The following SGCZ variants were observed in gnomAD, a reference collection of about 807,000 sequenced individuals.
SGCZ encodes sarcoglycan zeta, also known as zeta-sarcoglycan.
SGCZ carries 40 observed loss-of-function variants against 41.3 expected under a neutral mutation model. The ratio of observed to expected loss-of-function variants is 0.97; its 90% confidence interval spans 0.75 to 1.26. The LOEUF (loss-of-function observed/expected upper bound fraction) is 1.26, where lower values mean the gene tolerates loss of function less well. Among genes scored for constraint, SGCZ ranks in the 50% most tolerant of loss-of-function variants. The pLI, the probability that SGCZ is intolerant of heterozygous loss-of-function variation, is 0.00. For missense variants in SGCZ, 552 were observed against 369.8 expected (o/e 1.49, Z -4.04); for synonymous variants, 206 against 137.5 (o/e 1.50, Z -3.49).
At chr8:15,113,805 C>A (rs889190439) in intron 1 of SGCZ, among the ~76,000 whole-genome samples, 1 of 152,166 alleles carries the variant, frequency 6.6e-6, no homozygotes, top group Non-Finnish European at 1.5e-5. Context: ...CCCAGATTTT[C>A]TCAGTAAAAG....
chr8:14,376,051 T>G (rs1804109601), intron 2 of SGCZ, among the ~76,000 whole-genome samples: 1 of 152,200 alleles, frequency 6.6e-6, no homozygotes, highest in African/African-American at 2.4e-5. Context: ...AGGTGGCTCA[T>G]GCCGGTAATC....
In SGCZ at chr8:14,359,524, A is replaced by C. The variant is rs74796995; in HGVS notation, c.235-35320T>G. ...ATTCCAAAAAACTGAAATAATATCA[A>C]GGTTCTTCACTGATCACAATGGAAT... On this transcript the variant is annotated intron_variant, in intron 2 of 7. Coordinates refer to ENST00000382080, the MANE Select transcript of SGCZ (RefSeq NM_139167.4). Among the ~76,000 whole-genome samples the C allele has an allele frequency of 1.4e-3, 214 of 152,278 alleles. 1 individual carries two copies. In the East Asian group the frequency reaches 0.03, roughly 22 times the overall value.
Position 14,090,284 on chromosome 8 carries a change from T to A in SGCZ, c.*159A>T, listed in dbSNP as rs906543367. On this transcript the variant is annotated 3_prime_UTR_variant, in exon 8 of 8. Transcript: ENST00000382080. ...CCTCTGTGTTGAGCAGTACAGTAAA[T>A]CACAAGAGAAGGTGGTGGCGAATCC... 7 of 667,766 alleles carry A rather than the reference T, an allele frequency of 1.0e-5. No homozygotes were observed. The East Asian group carries it at 1.9e-4, about 18-fold the overall frequency. 41.4% of individuals were successfully genotyped at this position (667,766 alleles called of 1,614,324 possible).
intron 3 of SGCZ, among the ~76,000 whole-genome samples, chr8:14,241,051 A>T (rs920297206): frequency 2.0e-5 from 3 of 152,176 alleles, no homozygotes; most frequent in African/African-American, 4.8e-5. Context: ...TGTTTTCCCT[A>T]AATAAAGAAA....
intron 1 of SGCZ, among the ~76,000 whole-genome samples, chr8:14,936,987 T>G (rs1253563795): frequency 6.6e-6 from 1 of 151,620 alleles, no homozygotes; most frequent in Admixed American, 6.6e-5. Context: ...ATTAAAAAGT[T>G]TATAAAAGAA....
At chr8:14,345,968 G>C (rs1335610518) in intron 2 of SGCZ, among the ~76,000 whole-genome samples, 1 of 151,976 alleles carries the variant, frequency 6.6e-6, no homozygotes, top group Non-Finnish European at 1.5e-5. Flanking sequence ...GAATTTTTAG[G>C]GCAGAGAAAC....
intron 1 of SGCZ, among the ~76,000 whole-genome samples, chr8:14,877,085 T>C (rs1020127885): frequency 9.9e-5 from 15 of 152,172 alleles, no homozygotes; most frequent in African/African-American, 3.4e-4. Context: ...GCAATTCCCC[T>C]GCCTCAGCCT....
intron 1 of SGCZ, among the ~76,000 whole-genome samples, chr8:14,567,978 G>A (rs186501754): frequency 9.2e-5 from 14 of 152,308 alleles, no homozygotes; most frequent in East Asian, 1.9e-4. Context: ...GCGAGGGTCC[G>A]CGGCTCCATT....
intron 1 of SGCZ, among the ~76,000 whole-genome samples, chr8:15,127,247 CACACACACAAACAA>C (rs199701335): frequency 3.3e-4 from 3 of 9,174 alleles, no homozygotes; most frequent in South Asian, 0.028. Flanking sequence ...CACACACACA[CACACACACAAACAA>C]ACACACACAC....
Position 14,872,847 on chromosome 8 carries a change from A to G in SGCZ, c.40-317921T>C, listed in dbSNP as rs796767465. Reference sequence around the variant, plus strand: ...CACTTCCCAGCACACTGACTTAACCATAGTAGATTCTCAAAAAATATGATG... The same window carrying G: ...CACTTCCCAGCACACTGACTTAACCGTAGTAGATTCTCAAAAAATATGATG... On this transcript the variant is annotated intron_variant, in intron 1 of 7. Transcript: ENST00000382080. Among the ~76,000 whole-genome samples the G allele has an allele frequency of 1.6e-4, 24 of 152,246 alleles. 1 individual carries two copies. Among genetic ancestry groups the G allele is most frequent in the African/African-American group, 3.6e-4 (15 of 41,552 alleles).
intron 1 of SGCZ, among the ~76,000 whole-genome samples, chr8:14,780,374 C>CAAAAA (rs533888354): frequency 1.1e-4 from 9 of 78,894 alleles, no homozygotes; most frequent in Non-Finnish European, 1.6e-4. Context: ...GACTCCATCT[C>CAAAAA]AAAAAAAAAA....
At chr8:15,021,739 C>T (rs550660996) in intron 1 of SGCZ, among the ~76,000 whole-genome samples, 1 of 152,308 alleles carries the variant, frequency 6.6e-6, no homozygotes, top group Non-Finnish European at 1.5e-5. Flanking sequence ...GCCCTTCTTT[C>T]ACTGCTGAGG....
At chr8:14,289,911 C>A (rs1286985364) in intron 3 of SGCZ, among the ~76,000 whole-genome samples, 2 of 151,748 alleles carry the variant, frequency 1.3e-5, no homozygotes, top group Non-Finnish European at 1.5e-5. Flanking sequence ...ACAGTCATAC[C>A]AGAACATGAA....
At chr8:14,894,607 C>A (rs765485672) in intron 1 of SGCZ, among the ~76,000 whole-genome samples, 4 of 152,008 alleles carry the variant, frequency 2.6e-5, no homozygotes, top group African/African-American at 7.2e-5. Context: ...GTTTTTCATA[C>A]CCCGAGGAAG....
At chr8:14,888,801 G>A (rs1381506872) in intron 1 of SGCZ, among the ~76,000 whole-genome samples, 1 of 152,034 alleles carries the variant, frequency 6.6e-6, no homozygotes, top group Non-Finnish European at 1.5e-5. Flanking sequence ...TCAAAAATAT[G>A]TAAGTTTTAT....
chr8:15,218,171 AC>A (rs1801479368), intron 1 of SGCZ, among the ~76,000 whole-genome samples: 1 of 152,048 alleles, frequency 6.6e-6, no homozygotes, highest in South Asian at 2.1e-4. Flanking sequence ...TTAGTGGGTA[AC>A]TTTTTTAAGT....
intron 2 of SGCZ, among the ~76,000 whole-genome samples, chr8:14,545,306 T>G (rs148747186): frequency 2.6e-5 from 4 of 152,222 alleles, no homozygotes; most frequent in East Asian, 1.9e-4. Context: ...TAATAAATCA[T>G]AGAAATTCTT....
At chr8:14,168,369 C>T (rs758801463) in intron 4 of SGCZ, among the ~76,000 whole-genome samples, 1 of 152,070 alleles carries the variant, frequency 6.6e-6, no homozygotes, top group Non-Finnish European at 1.5e-5. Flanking sequence ...GTTGTCTCCC[C>T]ACCCAAATTT....
At chr8:14,306,272 T>C (rs940675473) in intron 3 of SGCZ, among the ~76,000 whole-genome samples, 7 of 152,226 alleles carry the variant, frequency 4.6e-5, no homozygotes, top group Non-Finnish European at 8.8e-5. Flanking sequence ...TAGATGGACA[T>C]AAAGTACTTA....
Sources: gnomAD v4.1 joint callset for allele counts (sites outside exome capture counted in the v4.1 genomes callset) on GRCh38, gnomAD v4.1.1 for gene constraint, MANE v1.5 for transcripts, NCBI Gene and HGNC (gene_info 2026-07-23, HGNC 2026-07-21) for gene names.